DPYSL3: variants seen among roughly 807,000 people sequenced by gnomAD.
The protein encoded by DPYSL3 is dihydropyrimidinase-related protein 3.
In DPYSL3, 16 loss-of-function variants were observed where a neutral mutation model predicts 66.1. That is an observed-to-expected ratio of 0.24 (90% CI 0.16 to 0.37). The LOEUF (loss-of-function observed/expected upper bound fraction) is 0.37. Among genes scored for constraint, DPYSL3 ranks in the 10% least tolerant of loss-of-function variants. DPYSL3 has a pLI of 1.00. For missense variants in DPYSL3, 738 were observed against 916.2 expected, an observed-to-expected ratio of 0.81 and a Z score of 2.51; for synonymous variants, 338 against 345.1, an observed-to-expected ratio of 0.98 and a Z score of 0.23.
intron 1 of DPYSL3, among the ~76,000 whole-genome samples, chr5:147,479,467 G>A (rs190253205): frequency 6.6e-6 from 1 of 152,282 alleles, no homozygotes; most frequent in African/African-American, 2.4e-5. Context: ...ATTTTATCTT[G>A]TCTGAAGAGA....
At chr5:147,453,370 C>A (rs1369933906) in intron 1 of DPYSL3, among the ~76,000 whole-genome samples, 2 of 152,170 alleles carry the variant, frequency 1.3e-5, no homozygotes, top group Non-Finnish European at 2.9e-5. Flanking sequence ...ACCCCAGGGT[C>A]GCTCAGTCTG....
At chr5:147,412,125 T>C (rs916623975) in intron 6 of DPYSL3, among the ~76,000 whole-genome samples, 1 of 152,224 alleles carries the variant, frequency 6.6e-6, no homozygotes, top group African/African-American at 2.4e-5. Context: ...AGTTTCTCAA[T>C]ATGATTTCTA....
rs999850512 is a variant in DPYSL3, at chr5:147,509,933, G to A, written c.-75C>T. 67 of 1,446,486 alleles carry A rather than the reference G, an allele frequency of 4.6e-5. No individual in the cohort carries two copies. The highest frequency in any genetic ancestry group is 5.4e-5 in the Non-Finnish European group (60 of 1,103,022). 89.6% of individuals were successfully genotyped at this position (1,446,486 alleles called of 1,614,324 possible). A position where few individuals can be genotyped will look rare whatever the true frequency, so the allele number is the denominator to read the frequency against. On this transcript the variant is annotated 5_prime_UTR_variant, in exon 1 of 14. Coordinates refer to ENST00000343218, the MANE Select transcript of DPYSL3 (RefSeq NM_001197294.2). This position sits in a 1 kb window ranked among gnomAD's most constrained non-coding sequence, Gnocchi z 5.3. ...AGGGCAGCCGCCGGCAGCGTGCGCC[G>A]AGCCACAGTGACTGTGGCGGGAGGA...
At chr5:147,450,814 A>G (rs1435957209) in intron 1 of DPYSL3, among the ~76,000 whole-genome samples, 1 of 152,234 alleles carries the variant, frequency 6.6e-6, no homozygotes, top group African/African-American at 2.4e-5. Context: ...TGCCCCCACT[A>G]GTCCTCAGAT....
At chr5:147,464,188 C>G (rs1272004729) in intron 1 of DPYSL3, among the ~76,000 whole-genome samples, 1 of 152,140 alleles carries the variant, frequency 6.6e-6, no homozygotes, top group Non-Finnish European at 1.5e-5. Flanking sequence ...GGATAGGGAG[C>G]CATCCTCCAG....
chr5:147,432,917 G>A (rs990895584), intron 1 of DPYSL3, among the ~76,000 whole-genome samples: 8 of 152,162 alleles, frequency 5.3e-5, no homozygotes, highest in African/African-American at 1.2e-4. Flanking sequence ...TGCTGCCTTC[G>A]AGAGGGCTCT....
chr5:147,448,594 G>C (rs1581200031), intron 1 of DPYSL3, among the ~76,000 whole-genome samples: 1 of 152,180 alleles, frequency 6.6e-6, no homozygotes, highest in Non-Finnish European at 1.5e-5. Context: ...AACACATCCA[G>C]AGTTCACAGA....
intron 1 of DPYSL3, among the ~76,000 whole-genome samples, chr5:147,508,180 G>A (rs970229808): frequency 2.0e-5 from 3 of 152,182 alleles, no homozygotes; most frequent in Non-Finnish European, 2.9e-5. Context: ...AGAGGAAGCC[G>A]ACATTGTTTT....
At chr5:147,494,315 G>A (rs1243931556) in intron 1 of DPYSL3, among the ~76,000 whole-genome samples, 1 of 151,960 alleles carries the variant, frequency 6.6e-6, no homozygotes, top group African/African-American at 2.4e-5. Flanking sequence ...AGAAAAAGAA[G>A]AGCAAATTAA....
intron 1 of DPYSL3, chr5:147,453,698 G>T (rs1752788974): frequency 5.9e-6 from 8 of 1,348,930 alleles, no homozygotes; most frequent in Non-Finnish European, 7.6e-6. Context: ...TGAATGGTGC[G>T]CTGGCCGCGC....
At chr5:147,464,260 A>G (rs1010390190) in intron 1 of DPYSL3, among the ~76,000 whole-genome samples, 5 of 152,304 alleles carry the variant, frequency 3.3e-5, no homozygotes, top group Admixed American at 1.3e-4. Context: ...AAGGAAGAAT[A>G]CATGAATGCA....
At chr5:147,506,830 A>G (rs986795870) in intron 1 of DPYSL3, among the ~76,000 whole-genome samples, 2 of 152,184 alleles carry the variant, frequency 1.3e-5, no homozygotes, top group Non-Finnish European at 2.9e-5. Context: ...GACAGATTTC[A>G]CTCCATTAAT....
At chr5:147,447,202 A>C (rs1252766207) in intron 1 of DPYSL3, among the ~76,000 whole-genome samples, 1 of 152,178 alleles carries the variant, frequency 6.6e-6, no homozygotes, top group Non-Finnish European at 1.5e-5. Flanking sequence ...CATATTTCTT[A>C]CCACTGTGTT....
intron 1 of DPYSL3, among the ~76,000 whole-genome samples, chr5:147,494,660 CAG>C (rs1753471532): frequency 7.4e-6 from 1 of 135,384 alleles, no homozygotes; most frequent in Non-Finnish European, 1.5e-5. Flanking sequence ...GGTCAGGAGA[CAG>C]AGACCATCCT....
chr5:147,463,047 G>T (rs1752957460), intron 1 of DPYSL3, among the ~76,000 whole-genome samples: 1 of 152,144 alleles, frequency 6.6e-6, no homozygotes, highest in African/African-American at 2.4e-5. Flanking sequence ...ACTGCAGATG[G>T]AAGTGGTACA....
chr5:147,426,363 T>C (rs1752197977), intron 1 of DPYSL3, among the ~76,000 whole-genome samples: 1 of 152,044 alleles, frequency 6.6e-6, no homozygotes, highest in African/African-American at 2.4e-5. Flanking sequence ...AGGAAGAAAG[T>C]GGCATTAAAT....
intron 1 of DPYSL3, among the ~76,000 whole-genome samples, chr5:147,495,836 T>C (rs1016605654): frequency 2.6e-5 from 4 of 152,218 alleles, no homozygotes; most frequent in African/African-American, 4.8e-5. Flanking sequence ...AGGTAATTTA[T>C]AGATTCAATG....
intron 8 of DPYSL3, among the ~76,000 whole-genome samples, chr5:147,404,274 G>A (rs1021414060): frequency 6.6e-6 from 1 of 152,182 alleles, no homozygotes; most frequent in African/African-American, 2.4e-5. Context: ...AAGAACAGAG[G>A]AAGGAAGGAG....
At chr5:147,397,948 G>C in intron 11 of DPYSL3, 103 bp from the exon 12 acceptor site, 1 of 1,250,480 alleles carries the variant, frequency 8.0e-7, no homozygotes, top group South Asian at 1.8e-5. Flanking sequence ...GATTCACCAG[G>C]TAAGCCAGGA....
Sources: allele counts gnomAD v4.1 joint callset (sites outside exome capture counted in the v4.1 genomes callset), GRCh38; gene constraint gnomAD v4.1.1; non-coding constraint Gnocchi (gnomAD v3.1); transcripts MANE v1.5; gene names NCBI Gene and HGNC (gene_info 2026-07-23, HGNC 2026-07-21).